MARK4: variants seen among roughly 807,000 people sequenced by gnomAD.
The protein encoded by MARK4 is MAP/microtubule affinity-regulating kinase 4.
A neutral mutation model predicts 81.5 loss-of-function variants in MARK4; 19 were observed. The observed-to-expected ratio is 0.23, with a 90% CI of 0.16 to 0.34. The LOEUF is 0.34. Ranked by LOEUF, MARK4 falls within the 10% of genes least tolerant of loss-of-function variation. The pLI, the probability that MARK4 is intolerant of heterozygous loss-of-function variation, is 1.00. For synonymous variants in MARK4, 436 were observed against 439.0 expected, an observed-to-expected ratio of 0.99 and a Z score of 0.08; for missense variants, 772 against 1,058.8, an observed-to-expected ratio of 0.73 and a Z score of 3.76.
intron 7 of MARK4, among the ~76,000 whole-genome samples, chr19:45,269,429 C>T (rs345415): frequency 1.2e-3 from 189 of 152,190 alleles, no homozygotes; most frequent in African/African-American, 4.0e-3. Flanking sequence ...GATGCTATTA[C>T]ATTCAGGTTT....
intron 2 of MARK4, among the ~76,000 whole-genome samples, chr19:45,260,279 A>G (rs1568490537): frequency 2.0e-5 from 3 of 149,626 alleles, no homozygotes. Context: ...AATTTCAGCT[A>G]CTTGGGAGGC....
At position 45,298,129 on chromosome 19, in the gene MARK4, T is replaced by G. The variant is rs1338252597; in HGVS notation, c.1877+175T>G. 1 of 1,612,660 alleles carries G rather than the reference T, an allele frequency of 6.2e-7. No homozygotes were observed. The highest frequency in any genetic ancestry group is 8.5e-7 in the Non-Finnish European group (1 of 1,179,360). Reference sequence around the variant, plus strand: ...CCTCCCCTGTCACCCCTCACCTCCCTCCTCACACTGCAGGGTTACCCTCGA... The same window carrying G: ...CCTCCCCTGTCACCCCTCACCTCCCGCCTCACACTGCAGGGTTACCCTCGA... On this transcript the variant is annotated intron_variant, in intron 15 of 16. Transcript: ENST00000262891.
chr19:45,286,388 G>T (rs1339395801), intron 12 of MARK4, among the ~76,000 whole-genome samples: 1 of 148,524 alleles, frequency 6.7e-6, no homozygotes, highest in Non-Finnish European at 1.5e-5. Context: ...CCTTTGGAGA[G>T]ATTTTATTCA....
chr19:45,294,473 G>T, intron 14 of MARK4, 21 bp downstream of exon 14: 1 of 1,605,802 alleles, frequency 6.2e-7, no homozygotes. Context: ...GGCAGCAACA[G>T]GGTGAGGGGT....
chr19:45,257,385 T>C (rs958185084), intron 1 of MARK4, among the ~76,000 whole-genome samples: 119 of 94,936 alleles, frequency 1.3e-3, no homozygotes, highest in African/African-American at 2.8e-3. Context: ...TTCTTTCTCT[T>C]TTTTTTTTTT....
chr19:45,281,756 G>A (rs991898163), intron 12 of MARK4, among the ~76,000 whole-genome samples: 3 of 152,172 alleles, frequency 2.0e-5, no homozygotes, highest in African/African-American at 7.2e-5. Flanking sequence ...TTAATCCATT[G>A]TAACTGGGGC....
Position 45,251,559 on chromosome 19 carries a change from G to A in MARK4, c.-30G>A. On this transcript the variant is annotated 5_prime_UTR_variant, in exon 1 of 17. Coordinates refer to ENST00000262891, the MANE Select transcript of MARK4 (RefSeq NM_001199867.2). ...CTGGGACCCCCGCCCCCCCCACCCG[G>A]CCGCCCCTGCCCCCCGGGACCCGGA... The A allele has an allele frequency of 1.6e-5, 7 of 435,542 alleles. No individual in the cohort carries two copies. The highest frequency in any genetic ancestry group is 2.0e-5 in the Non-Finnish European group (6 of 294,206). The allele number at this position is 435,542 out of a possible 1,614,324, so 27.0% of individuals were successfully genotyped here. A position where few individuals can be genotyped will look rare whatever the true frequency, so the allele number is the denominator to read the frequency against.
Position 45,280,361 on chromosome 19 carries a change from C to T in MARK4, c.1007-13C>T, listed in dbSNP as rs770271594. On this transcript the variant is annotated splice_polypyrimidine_tract_variant and intron_variant, in intron 10 of 16. Coordinates refer to ENST00000262891, the MANE Select transcript of MARK4 (RefSeq NM_001199867.2). ...CTGGGAGTCTGAAACTTCTCTCCAT[C>T]CCCCCCTCCCAGAGGTGATGGTGGG... 20 of 1,597,642 alleles carry T rather than the reference C, an allele frequency of 1.3e-5. No individual in the cohort carries two copies. The highest frequency in any genetic ancestry group is 1.4e-5 in the Non-Finnish European group (16 of 1,166,204).
rs1970662583 is a variant in MARK4 at position 45,280,688 on chromosome 19, G to C, written c.1230G>C (p.Arg410=). The C allele has an allele frequency of 6.2e-7, 1 of 1,614,036 alleles. No homozygotes were observed. The highest frequency in any genetic ancestry group is 1.3e-5 in the African/African-American group (1 of 74,920). ...SKGTSHSKGQ[R]SSSSTYHRQR... ...GCACCAGCCACAGCAAAGGGCAGCGGAGTTCCTCTTCCACCTACCACCGCC... is the reference window on the plus strand; with the variant it reads ...GCACCAGCCACAGCAAAGGGCAGCGCAGTTCCTCTTCCACCTACCACCGCC... The change falls in exon 12 of 17, where the codon CGG becomes CGC. Residue 410 remains arginine, a synonymous_variant. Coordinates refer to ENST00000262891, the MANE Select transcript of MARK4 (RefSeq NM_001199867.2).
chr19:45,280,285 G>T, intron 10 of MARK4, 89 bp from the exon 11 acceptor site: 1 of 1,184,340 alleles, frequency 8.4e-7, no homozygotes. Context: ...CTGGGTGACA[G>T]AGTGACACCC....
chr19:45,268,401 C>T (rs1184787825), intron 7 of MARK4, among the ~76,000 whole-genome samples: 3 of 151,890 alleles, frequency 2.0e-5, no homozygotes, highest in Non-Finnish European at 2.9e-5. Flanking sequence ...CTGGGCAACA[C>T]GGTGAAACTC....
At chr19:45,268,687 G>A (rs967629122) in intron 7 of MARK4, among the ~76,000 whole-genome samples, 3 of 152,068 alleles carry the variant, frequency 2.0e-5, no homozygotes, top group African/African-American at 7.2e-5. Flanking sequence ...TGAGGCTGCA[G>A]TGAGCCATGA....
intron 5 of MARK4, 44 bp from the exon 6 acceptor site, chr19:45,264,796 G>A: frequency 1.2e-6 from 2 of 1,613,976 alleles, no homozygotes; most frequent in Non-Finnish European, 1.7e-6. Flanking sequence ...ACCTCCCCCT[G>A]CCGCTGCACC....
chr19:45,300,781 T>C (rs1178783207), intron 16 of MARK4, among the ~76,000 whole-genome samples: 1 of 152,126 alleles, frequency 6.6e-6, no homozygotes, highest in Non-Finnish European at 1.5e-5. Flanking sequence ...GGTCACATGC[T>C]CATTCCTAAA....
intron 14 of MARK4, among the ~76,000 whole-genome samples, chr19:45,294,912 G>A (rs554143308): frequency 6.6e-6 from 1 of 152,254 alleles, no homozygotes; most frequent in Non-Finnish European, 1.5e-5. Context: ...GCTAGAATGG[G>A]GCCAGCTCCA....
intron 12 of MARK4, among the ~76,000 whole-genome samples, chr19:45,282,580 C>T (rs548444794): frequency 2.0e-5 from 3 of 152,168 alleles, no homozygotes; most frequent in African/African-American, 7.2e-5. Flanking sequence ...GTAATCCCAG[C>T]ACTTTAGGAA....
intron 13 of MARK4, among the ~76,000 whole-genome samples, chr19:45,288,833 G>A (rs1377405193): frequency 1.5e-5 from 2 of 137,794 alleles, no homozygotes; most frequent in Non-Finnish European, 3.1e-5. Flanking sequence ...CTGGGTGACA[G>A]AGCAAGACTC....
Position 45,271,784 on chromosome 19 carries a change from G to T in MARK4, c.786+76G>T. On this transcript the variant is annotated intron_variant, in intron 8 of 16. Coordinates refer to ENST00000262891, the MANE Select transcript of MARK4 (RefSeq NM_001199867.2). The surrounding 1 kb of genome is among the most constrained non-coding windows in gnomAD (Gnocchi z 4.1). ...CCCCTATCCCCCCCACACCTCCCCT[G>T]CAGAGGGCCTCAGTGGTGGGACTGG... 1 of 1,360,288 alleles carries T rather than the reference G, an allele frequency of 7.4e-7. No individual in the cohort carries two copies. Among genetic ancestry groups the T allele is most frequent in the Non-Finnish European group, 1.0e-6 (1 of 982,732 alleles). The allele number at this position is 1,360,288 out of a possible 1,614,324, so 84.3% of individuals were successfully genotyped here. A position where few individuals can be genotyped will look rare whatever the true frequency, so the allele number is the denominator to read the frequency against.
intron 14 of MARK4, among the ~76,000 whole-genome samples, chr19:45,296,365 G>A (rs994096496): frequency 6.6e-6 from 1 of 152,282 alleles, no homozygotes; most frequent in East Asian, 1.9e-4. Context: ...CAAGGACCCA[G>A]GTAAGTTCTT....
Sources: allele counts gnomAD v4.1 joint callset (sites outside exome capture counted in the v4.1 genomes callset), GRCh38; gene constraint gnomAD v4.1.1; non-coding constraint Gnocchi (gnomAD v3.1); transcripts MANE v1.5; gene names NCBI Gene and HGNC (gene_info 2026-07-23, HGNC 2026-07-21).